C2orf76: variants seen among roughly 807,000 people sequenced by gnomAD.
C2orf76 encodes chromosome 2 open reading frame 76, also known as UPF0538 protein C2orf76.
In C2orf76, 23 loss-of-function variants were observed where a neutral mutation model predicts 16.9. The ratio of observed to expected loss-of-function variants is 1.36; its 90% CI spans 0.98 to 1.93. C2orf76 has a LOEUF of 1.93. Ranked by LOEUF, C2orf76 falls within the 30% of genes most tolerant of loss-of-function variation. The probability of loss-of-function intolerance (pLI) is 0.00; values close to 1 mark genes in which losing one functional copy is unlikely to be tolerated. For synonymous variants in C2orf76, 48 were observed against 52.3 expected, an observed-to-expected ratio of 0.92 and a Z score of 0.35; for missense variants, 152 against 152.6, an observed-to-expected ratio of 1.00 and a Z score of 0.02.
chr2:119,286,770 T>C, the C2orf76 span, among the ~76,000 whole-genome samples: 1 of 151,832 alleles, frequency 6.6e-6, no homozygotes, highest in Admixed American at 6.6e-5. Context: ...CGGGAGAGTG[T>C]CTCTGCGGTC....
At chr2:119,355,205 A>G (rs1680531629) in intron 1 of C2orf76, among the ~76,000 whole-genome samples, 2 of 152,136 alleles carry the variant, frequency 1.3e-5, no homozygotes, top group Admixed American at 6.5e-5. Context: ...TATAAATTCT[A>G]TTTTTCTTGA....
Position 119,349,239 on chromosome 2 carries a change from G to A in C2orf76, c.-12-9268C>T, listed in dbSNP as rs939766643. On this transcript the variant is annotated intron_variant, in intron 1 of 5. Transcript: ENST00000334816. Reference sequence around the variant, plus strand: ...AAATTAAGCTATTTCCAGTATACTTGTATTTTCACTTTTCTGATATATGTG... The same window carrying A: ...AAATTAAGCTATTTCCAGTATACTTATATTTTCACTTTTCTGATATATGTG... 3.9e-5 allele frequency among the ~76,000 whole-genome samples: 6 copies of A among 152,118 alleles called. No homozygotes were observed. In the East Asian group the frequency reaches 7.7e-4, roughly 20 times the overall value.
the C2orf76 span, among the ~76,000 whole-genome samples, chr2:119,291,740 G>C: frequency 5.3e-5 from 8 of 152,166 alleles, 1 homozygote; most frequent in East Asian, 1.5e-3. Flanking sequence ...ACTCATGGGG[G>C]ACAACCTCCT....
the C2orf76 span, among the ~76,000 whole-genome samples, chr2:119,295,044 G>A: frequency 6.6e-6 from 1 of 152,138 alleles, no homozygotes; most frequent in African/African-American, 2.4e-5. Context: ...GTCAGAGAAC[G>A]GGAGGTGGAT....
At chr2:119,365,252 G>A (rs1680899311) in intron 1 of C2orf76, among the ~76,000 whole-genome samples, 2 of 152,154 alleles carry the variant, frequency 1.3e-5, no homozygotes, top group Admixed American at 1.3e-4. Flanking sequence ...AATAATCTGA[G>A]TTTCCATCAA....
chr2:119,314,776 A>C (rs1473240812), intron 4 of C2orf76, among the ~76,000 whole-genome samples: 1 of 152,238 alleles, frequency 6.6e-6, no homozygotes, highest in Non-Finnish European at 1.5e-5. Flanking sequence ...TTAAATATGT[A>C]AATTAAGAGA....
At position 119,308,904 on chromosome 2, in the gene C2orf76, C is replaced by A. The variant is rs116285917; in HGVS notation, c.304+2718G>T. Among the ~76,000 whole-genome samples the A allele has an allele frequency of 2.1e-4, 32 of 152,234 alleles. 1 individual carries two copies. The South Asian group carries it at 6.6e-3, about 32-fold the overall frequency. Reference sequence around the variant, plus strand: ...AATTCAAGGTCATATTCATTCCCGACGGTGGTATAAGAGTATCCATTTTCC... The same window carrying A: ...AATTCAAGGTCATATTCATTCCCGAAGGTGGTATAAGAGTATCCATTTTCC... On this transcript the variant is annotated intron_variant, in intron 5 of 5. Transcript: ENST00000334816.
chr2:119,308,178 A>T (rs1369651335), intron 5 of C2orf76, among the ~76,000 whole-genome samples: 1 of 152,254 alleles, frequency 6.6e-6, no homozygotes, highest in East Asian at 1.9e-4. Context: ...AAACTGTAGA[A>T]AAATTTTTAA....
intron 1 of C2orf76, among the ~76,000 whole-genome samples, chr2:119,345,429 G>A (rs1020586756): frequency 2.0e-5 from 3 of 152,174 alleles, no homozygotes; most frequent in Admixed American, 2.0e-4. Context: ...AGCCTATCTG[G>A]AGGTGAGTGG....
intron 2 of C2orf76, among the ~76,000 whole-genome samples, chr2:119,330,814 C>T (rs556262173): frequency 1.9e-4 from 29 of 152,038 alleles, no homozygotes; most frequent in Admixed American, 3.9e-4. Flanking sequence ...TTTTTTTCTC[C>T]GCAGCATCTA....
chr2:119,298,359 T>C (rs1029493220), downstream of C2orf76, among the ~76,000 whole-genome samples: 2 of 152,334 alleles, frequency 1.3e-5, no homozygotes, highest in East Asian at 3.9e-4. Context: ...TTCCTTTTCC[T>C]CATAATTACA....
At chr2:119,308,141 C>T (rs542107350) in intron 5 of C2orf76, among the ~76,000 whole-genome samples, 141 of 152,262 alleles carry the variant, frequency 9.3e-4, no homozygotes, top group South Asian at 2.5e-3. Context: ...AAAAAAAATT[C>T]GTCCTTTAAT....
At chr2:119,358,113 G>C (rs763654516) in intron 1 of C2orf76, among the ~76,000 whole-genome samples, 2 of 152,186 alleles carry the variant, frequency 1.3e-5, no homozygotes, top group East Asian at 3.8e-4. Flanking sequence ...GACAGGAGGA[G>C]TTGTTAGTCT....
intron 2 of C2orf76, among the ~76,000 whole-genome samples, chr2:119,333,714 A>G (rs1210283182): frequency 6.6e-6 from 1 of 152,224 alleles, no homozygotes; most frequent in Non-Finnish European, 1.5e-5. Flanking sequence ...TTAACCCCTG[A>G]CCTACATGGT....
At chr2:119,340,378 T>A (rs1679987620) in intron 1 of C2orf76, 1 of 159,972 alleles carries the variant, frequency 6.3e-6, no homozygotes, top group Admixed American at 6.4e-5. Context: ...TGGAAGCACA[T>A]TTACATTAGA....
chr2:119,336,517 G>C lies in C2orf76; in HGVS notation c.133+3310C>G, dbSNP rs80206854. Among the ~76,000 whole-genome samples the C allele has an allele frequency of 4.9e-3, 738 of 152,046 alleles. 7 individuals carry two copies. Among genetic ancestry groups the C allele is most frequent in the African/African-American group, 0.016 (663 of 41,508 alleles). On this transcript the variant is annotated intron_variant, in intron 2 of 5. Transcript: ENST00000334816. ...GATGACGTGATGATGCTCTAGGGCT[G>C]TGATTCTCAATGGGGAATGAATAAA...
At chr2:119,304,018 C>G (rs937942010) in intron 5 of C2orf76, among the ~76,000 whole-genome samples, 15 of 152,288 alleles carry the variant, frequency 9.8e-5, no homozygotes, top group African/African-American at 3.6e-4. Context: ...GGGTAAAAGA[C>G]TCCTCCACAC....
chr2:119,321,560 T>G (rs550488078), intron 2 of C2orf76, among the ~76,000 whole-genome samples: 5 of 152,106 alleles, frequency 3.3e-5, no homozygotes, highest in Non-Finnish European at 7.4e-5. Flanking sequence ...CTCACGACAC[T>G]TATTCACTAC....
At chr2:119,365,857 C>G (rs188875179) in intron 1 of C2orf76, among the ~76,000 whole-genome samples, 152 of 152,236 alleles carry the variant, frequency 1.0e-3, no homozygotes, top group African/African-American at 3.3e-3. Flanking sequence ...CTTTTCAAAC[C>G]CTTTTACGAT....
Sources: allele counts gnomAD v4.1 joint callset (sites outside exome capture counted in the v4.1 genomes callset), GRCh38; gene constraint gnomAD v4.1.1; transcripts MANE v1.5; gene names NCBI Gene and HGNC (gene_info 2026-07-23, HGNC 2026-07-21).